Variants in DLGAP2 observed in about 807,000 individuals in gnomAD.
DLGAP2 encodes DLG associated protein 2.
In DLGAP2, 26 loss-of-function variants were observed where a neutral mutation model predicts 100.3. The ratio of observed to expected loss-of-function variants is 0.26; its 90% CI spans 0.19 to 0.36. The LOEUF (loss-of-function observed/expected upper bound fraction) is 0.36. DLGAP2 is among the 10% of genes least tolerant of loss of function. The pLI is 1.00. For synonymous variants in DLGAP2, 886 were observed against 630.1 expected, an observed-to-expected ratio of 1.41 and a Z score of -6.08; for missense variants, 1,858 against 1,453.2, an observed-to-expected ratio of 1.28 and a Z score of -4.53.
chr8:1,588,097 C>T (rs912428684), intron 6 of DLGAP2, among the ~76,000 whole-genome samples: 1 of 152,128 alleles, frequency 6.6e-6, no homozygotes, highest in African/African-American at 2.4e-5. Flanking sequence ...GAAGAGTGTT[C>T]AGAACAACCA....
chr8:1,203,864 C>G (rs189554380), intron 2 of DLGAP2, among the ~76,000 whole-genome samples: 1 of 152,230 alleles, frequency 6.6e-6, no homozygotes, highest in East Asian at 1.9e-4. Flanking sequence ...CAGGCTCGTT[C>G]TCATTTAGGG....
At position 930,694 on chromosome 8, in the gene DLGAP2, T is replaced by G. The variant is rs36093443; in HGVS notation, c.73+22728T>G. On this transcript the variant is annotated intron_variant, in intron 2 of 14. Coordinates refer to ENST00000637795, the MANE Select transcript of DLGAP2 (RefSeq NM_001346810.2). ...AAGAGCAGGTGCAGGTGTGCGGGGATTGGGAGCCTCATGGAGACCCCACAC... is the reference window on the plus strand; with the variant it reads ...AAGAGCAGGTGCAGGTGTGCGGGGAGTGGGAGCCTCATGGAGACCCCACAC... Among the ~76,000 whole-genome samples the G allele has an allele frequency of 2.4e-4, 36 of 151,510 alleles. No homozygotes were observed. In the East Asian group the frequency reaches 5.8e-3, roughly 25 times the overall value.
chr8:998,189 C>G (rs918965575), intron 2 of DLGAP2, among the ~76,000 whole-genome samples: 3 of 152,240 alleles, frequency 2.0e-5, no homozygotes, highest in Admixed American at 6.5e-5. Flanking sequence ...TGTGCATGCA[C>G]ACATAAATAC....
intron 2 of DLGAP2, among the ~76,000 whole-genome samples, chr8:934,795 A>G (rs574924276): frequency 2.0e-5 from 3 of 152,228 alleles, no homozygotes; most frequent in African/African-American, 7.2e-5. Flanking sequence ...TCTTCAGTTC[A>G]AGGCTATTCT....
intron 1 of DLGAP2, among the ~76,000 whole-genome samples, chr8:803,614 G>T (rs1386319457): frequency 6.6e-6 from 1 of 151,964 alleles, no homozygotes; most frequent in Non-Finnish European, 1.5e-5. Flanking sequence ...TAAGTTAGTT[G>T]TGGGTTCATT....
chr8:981,551 G>A (rs1428265220), intron 2 of DLGAP2, among the ~76,000 whole-genome samples: 2 of 152,112 alleles, frequency 1.3e-5, no homozygotes, highest in Non-Finnish European at 2.9e-5. Context: ...AGCAGCGTAC[G>A]AGGGTTCCAG....
At chr8:1,277,409 A>G (rs759261505) in intron 3 of DLGAP2, among the ~76,000 whole-genome samples, 12 of 152,216 alleles carry the variant, frequency 7.9e-5, no homozygotes, top group Non-Finnish European at 1.8e-4. Flanking sequence ...GCACGGAGAA[A>G]TACATAGAGC....
In DLGAP2 at chr8:1,626,222, C is replaced by T. The variant is rs891591177; in HGVS notation, c.1443-518C>T. The stretch of plus-strand genomic sequence containing the variant: ...GCTCAGCCTCTGGGTGTGGGTTGGA[C>T]GGCTGTTCCCATCTCTACCCTGCAG... On this transcript the variant is annotated intron_variant, in intron 6 of 14. Transcript: ENST00000637795. Among the ~76,000 whole-genome samples the T allele has an allele frequency of 5.7e-5, 8 of 139,700 alleles. No homozygotes were observed. In the East Asian group the frequency reaches 6.4e-4, roughly 11 times the overall value. 91.6% of individuals were successfully genotyped at this position (139,700 alleles called of 152,430 possible). A position where few individuals can be genotyped will look rare whatever the true frequency, so the allele number is the denominator to read the frequency against.
At chr8:1,364,712 G>A (rs117509880) in intron 3 of DLGAP2, among the ~76,000 whole-genome samples, 3 of 152,186 alleles carry the variant, frequency 2.0e-5, no homozygotes, top group African/African-American at 7.2e-5. Context: ...AAGCTTGCGT[G>A]GGGGAGACAG....
At chr8:1,323,480 C>A (rs1478045611) in intron 3 of DLGAP2, among the ~76,000 whole-genome samples, 1 of 152,232 alleles carries the variant, frequency 6.6e-6, no homozygotes, top group Non-Finnish European at 1.5e-5. Context: ...CCTCCCACCC[C>A]ACACTGTGGC....
chr8:1,036,828 G>A (rs1802139725), intron 2 of DLGAP2, among the ~76,000 whole-genome samples: 1 of 152,172 alleles, frequency 6.6e-6, no homozygotes, highest in Admixed American at 6.5e-5. Flanking sequence ...AGAATCCTGG[G>A]TGCCCTCAAA....
chr8:1,041,335 T>G (rs1016536627), intron 2 of DLGAP2, among the ~76,000 whole-genome samples: 3 of 152,130 alleles, frequency 2.0e-5, no homozygotes, highest in African/African-American at 7.2e-5. Flanking sequence ...AGCCTTTTTC[T>G]TTGGAGTTGG....
At chr8:1,541,526 C>T (rs1171128319) in intron 4 of DLGAP2, among the ~76,000 whole-genome samples, 1 of 152,132 alleles carries the variant, frequency 6.6e-6, no homozygotes, top group Non-Finnish European at 1.5e-5. Context: ...TGAGGTATAG[C>T]CTCGGTTTAA....
chr8:1,070,538 G>C (rs1475058140), intron 2 of DLGAP2, among the ~76,000 whole-genome samples: 1 of 152,162 alleles, frequency 6.6e-6, no homozygotes, highest in Non-Finnish European at 1.5e-5. Context: ...TATCTCACAG[G>C]TGAGGGGCGA....
At chr8:906,924 G>C (rs1289710505) in intron 1 of DLGAP2, among the ~76,000 whole-genome samples, 1 of 152,188 alleles carries the variant, frequency 6.6e-6, no homozygotes, top group African/African-American at 2.4e-5. Context: ...ATTTGGGAGA[G>C]AATTGTTCTT....
At chr8:1,361,219 T>C (rs1387054215) in intron 3 of DLGAP2, among the ~76,000 whole-genome samples, 1 of 152,182 alleles carries the variant, frequency 6.6e-6, no homozygotes, top group South Asian at 2.1e-4. Context: ...GCCCTGACCA[T>C]GGTCCCTGCG....
intron 4 of DLGAP2, among the ~76,000 whole-genome samples, chr8:1,510,874 A>G (rs184136142): frequency 6.6e-6 from 1 of 152,258 alleles, no homozygotes; most frequent in African/African-American, 2.4e-5. Context: ...TCGGTGTTAC[A>G]TAATTAATAA....
At chr8:1,352,431 C>A (rs914208187) in intron 3 of DLGAP2, among the ~76,000 whole-genome samples, 4 of 152,168 alleles carry the variant, frequency 2.6e-5, no homozygotes, top group Non-Finnish European at 5.9e-5. Flanking sequence ...ACCTGCCCTT[C>A]CCTCCCCTTC....
At chr8:1,132,298 G>A (rs1333069061) in intron 2 of DLGAP2, among the ~76,000 whole-genome samples, 1 of 152,080 alleles carries the variant, frequency 6.6e-6, no homozygotes, top group Non-Finnish European at 1.5e-5. Flanking sequence ...ATCAGTTTAT[G>A]TTAAAGCCTG....
Sources: allele counts gnomAD v4.1 joint callset (sites outside exome capture counted in the v4.1 genomes callset), GRCh38; gene constraint gnomAD v4.1.1; transcripts MANE v1.5; gene names NCBI Gene and HGNC (gene_info 2026-07-23, HGNC 2026-07-21).